The following HEMK2 variants were observed in gnomAD, a reference collection of about 807,000 sequenced individuals.
HEMK2 encodes the protein methyltransferase HEMK2.
At chr21:28,631,651 A>C in the HEMK2 span, among the ~76,000 whole-genome samples, 1 of 152,224 alleles carries the variant, frequency 6.6e-6, no homozygotes, top group Admixed American at 6.5e-5. Context: ...TGCATTTGAC[A>C]GACTTTTTAT....
the HEMK2 span, among the ~76,000 whole-genome samples, chr21:28,865,331 A>C: frequency 6.6e-6 from 1 of 151,982 alleles, no homozygotes; most frequent in Non-Finnish European, 1.5e-5. Flanking sequence ...ATGCCTGGCT[A>C]ATTTTTGTAT....
chr21:28,709,308 GTTGT>G, the HEMK2 span, among the ~76,000 whole-genome samples: 1 of 152,202 alleles, frequency 6.6e-6, no homozygotes, highest in South Asian at 2.1e-4. Flanking sequence ...CAAATTTAGA[GTTGT>G]TTATCAAATC....
chr21:28,616,518 G>GT, the HEMK2 span, among the ~76,000 whole-genome samples: 7 of 152,088 alleles, frequency 4.6e-5, no homozygotes, highest in African/African-American at 1.2e-4. Context: ...AGAAACTGTA[G>GT]TTTTTTTAAA....
chr21:28,642,000 T>C, the HEMK2 span, among the ~76,000 whole-genome samples: 1 of 152,180 alleles, frequency 6.6e-6, no homozygotes, highest in Non-Finnish European at 1.5e-5. Flanking sequence ...TAGCCAAATG[T>C]ACAGATGGTT....
chr21:28,676,255 G>T, the HEMK2 span, among the ~76,000 whole-genome samples: 2 of 152,174 alleles, frequency 1.3e-5, no homozygotes, highest in Non-Finnish European at 2.9e-5. Flanking sequence ...TGAGGCCTCT[G>T]TCTTTAGCTG....
chr21:28,682,467 G>C, the HEMK2 span, among the ~76,000 whole-genome samples: 1 of 150,972 alleles, frequency 6.6e-6, no homozygotes, highest in Non-Finnish European at 1.5e-5. Flanking sequence ...CTGTAAACTA[G>C]TTCAACCATT....
At chr21:28,612,655 T>G in the HEMK2 span, among the ~76,000 whole-genome samples, 2 of 152,138 alleles carry the variant, frequency 1.3e-5, no homozygotes, top group Non-Finnish European at 2.9e-5. Context: ...CACTGTTTGC[T>G]GATGATGACT....
the HEMK2 span, among the ~76,000 whole-genome samples, chr21:28,609,591 AGGTTGACTATT>A: frequency 6.6e-6 from 1 of 150,776 alleles, no homozygotes; most frequent in Non-Finnish European, 1.5e-5. Context: ...AAACAACAGA[AGGTTGACTATT>A]AAGCCAATCA....
the HEMK2 span, among the ~76,000 whole-genome samples, chr21:28,716,593 A>G: frequency 6.6e-6 from 1 of 152,106 alleles, no homozygotes; most frequent in Admixed American, 6.5e-5. Flanking sequence ...TGATAAAAGC[A>G]TCCTATATGG....
the HEMK2 span, among the ~76,000 whole-genome samples, chr21:28,596,272 C>T: frequency 6.6e-6 from 1 of 152,140 alleles, no homozygotes; most frequent in Non-Finnish European, 1.5e-5. Context: ...CCCACCTCAG[C>T]CTCCCAAAGT....
At chr21:28,735,080 G>T in the HEMK2 span, among the ~76,000 whole-genome samples, 1 of 152,126 alleles carries the variant, frequency 6.6e-6, no homozygotes. Flanking sequence ...GGCTAGTCTG[G>T]GCATGGCTTC....
At chr21:28,697,000 C>T in the HEMK2 span, among the ~76,000 whole-genome samples, 1 of 111,150 alleles carries the variant, frequency 9.0e-6, no homozygotes, top group Non-Finnish European at 1.7e-5. Flanking sequence ...TGGACCTGGC[C>T]AAGGAAAACA....
the HEMK2 span, among the ~76,000 whole-genome samples, chr21:28,731,013 TG>T: frequency 3.3e-5 from 5 of 151,724 alleles, no homozygotes; most frequent in Non-Finnish European, 5.9e-5. Context: ...AGCCTGTCCA[TG>T]GGTGAAATGA....
chr21:28,844,944 G>C, the HEMK2 span, among the ~76,000 whole-genome samples: 1 of 151,442 alleles, frequency 6.6e-6, no homozygotes, highest in Non-Finnish European at 1.5e-5. Context: ...AAAATTGAAT[G>C]TCTGTCTATT....
the HEMK2 span, among the ~76,000 whole-genome samples, chr21:28,680,890 T>C: frequency 9.5e-3 from 1,444 of 152,278 alleles, 37 homozygotes; most frequent in Admixed American, 0.051. Flanking sequence ...TAGGTATTGA[T>C]GGGACGTATC....
chr21:28,766,083 T>C, the HEMK2 span, among the ~76,000 whole-genome samples: 1 of 151,942 alleles, frequency 6.6e-6, no homozygotes, highest in East Asian at 1.9e-4. Context: ...ATGTTCTCAC[T>C]CATAAGCAGG....
At chr21:28,878,680 T>C in the HEMK2 span, among the ~76,000 whole-genome samples, 1 of 151,858 alleles carries the variant, frequency 6.6e-6, no homozygotes, top group Non-Finnish European at 1.5e-5. Context: ...ATTTAAAGTT[T>C]TGAGAACATT....
At chr21:28,586,062 A>G in the HEMK2 span, among the ~76,000 whole-genome samples, 1 of 152,222 alleles carries the variant, frequency 6.6e-6, no homozygotes, top group Non-Finnish European at 1.5e-5. Context: ...ATAGATTTAA[A>G]TGTTGCCCCT....
chr21:28,692,153 C>T, the HEMK2 span, among the ~76,000 whole-genome samples: 1 of 152,184 alleles, frequency 6.6e-6, no homozygotes, highest in African/African-American at 2.4e-5. Context: ...ATGTTATTCA[C>T]AGTACTGTTG....
Sources: allele counts gnomAD v4.1 joint callset (sites outside exome capture counted in the v4.1 genomes callset), GRCh38; gene constraint gnomAD v4.1.1; transcripts MANE v1.5; gene names NCBI Gene and HGNC (gene_info 2026-07-23, HGNC 2026-07-21).